The following DERL1 variants were observed in gnomAD, a reference collection of about 807,000 sequenced individuals.
DERL1 encodes the protein derlin-1.
A neutral mutation model predicts 41.6 loss-of-function variants in DERL1; 24 were observed. That is an observed-to-expected ratio of 0.58 (90% confidence interval 0.42 to 0.81). The LOEUF is 0.81. Ranked by LOEUF, DERL1 falls within the 30% of genes least tolerant of loss-of-function variation. The pLI, the probability that DERL1 is intolerant of heterozygous loss-of-function variation, is 0.00. For synonymous variants in DERL1, 124 were observed against 112.5 expected, an observed-to-expected ratio of 1.10 and a Z score of -0.65; for missense variants, 260 against 314.3, an observed-to-expected ratio of 0.83 and a Z score of 1.31.
intron 1 of DERL1, among the ~76,000 whole-genome samples, chr8:123,038,044 G>A (rs889734301): frequency 6.6e-6 from 1 of 152,176 alleles, no homozygotes; most frequent in African/African-American, 2.4e-5. Flanking sequence ...ACAGTATAAT[G>A]AGTCTTAACA....
intron 2 of DERL1, among the ~76,000 whole-genome samples, chr8:123,026,169 A>G (rs1330991347): frequency 6.6e-6 from 1 of 152,106 alleles, no homozygotes; most frequent in African/African-American, 2.4e-5. Flanking sequence ...AGTGTCTTCT[A>G]CTCTCCTTTA....
chr8:123,024,637 A>G (rs760103999), intron 3 of DERL1, among the ~76,000 whole-genome samples: 7 of 152,210 alleles, frequency 4.6e-5, no homozygotes, highest in Non-Finnish European at 8.8e-5. Context: ...ATTTTCTGAT[A>G]AGGACCACAG....
chr8:123,028,168 A>T (rs995470112), intron 2 of DERL1, among the ~76,000 whole-genome samples: 2 of 152,202 alleles, frequency 1.3e-5, no homozygotes, highest in Non-Finnish European at 2.9e-5. Context: ...TTAAATTCTG[A>T]AATATTTACA....
chr8:123,019,063 G>A (rs879836767), intron 7 of DERL1, 132 bp downstream of exon 7: 1 of 703,474 alleles, frequency 1.4e-6, no homozygotes, highest in Non-Finnish European at 2.6e-6. Context: ...ACTAGGGTAA[G>A]TCACTTGTTG....
chr8:123,033,754 A>C, intron 1 of DERL1, among the ~76,000 whole-genome samples: 1 of 152,206 alleles, frequency 6.6e-6, no homozygotes, highest in East Asian at 1.9e-4. Flanking sequence ...AACAAAAAAG[A>C]AAATTGAGCT....
chr8:123,036,112 T>C (rs1044964407), intron 1 of DERL1, among the ~76,000 whole-genome samples: 1 of 152,146 alleles, frequency 6.6e-6, no homozygotes, highest in African/African-American at 2.4e-5. Context: ...CCATCAAATC[T>C]ACTCCTAGAT....
At position 123,022,734 on chromosome 8, in the gene DERL1, G is replaced by C. The variant is rs1812593348; in HGVS notation, c.403C>G (p.Gln135Glu). 2 of 1,614,108 alleles carry C rather than the reference G, an allele frequency of 1.2e-6. No individual in the cohort carries two copies. Among genetic ancestry groups the C allele is most frequent in the Non-Finnish European group, 8.5e-7 (1 of 1,179,984 alleles). ...LIMSVLYVWAQLNRDMIVSFW... is the reference protein window; with the variant it reads ...LIMSVLYVWAELNRDMIVSFW... ...GATACAATCATGTCTCTGTTCAGCT[G>C]GGCCCAGACATAAAGTACTGACATG... Residue 135 changes from glutamine to glutamate, a missense_variant, in exon 5 of 8, where the codon CAG (glutamine) becomes GAG (glutamate). By Grantham distance (29) the Gln-to-Glu change is conservative. Transcript: ENST00000259512.
chr8:123,020,637 G>A (rs991608335), intron 6 of DERL1, among the ~76,000 whole-genome samples: 19 of 151,036 alleles, frequency 1.3e-4, no homozygotes, highest in African/African-American at 4.6e-4. Context: ...CTAGATATTT[G>A]ACCCTGGTTG....
intron 3 of DERL1, 75 bp from the exon 4 acceptor site, chr8:123,023,814 T>A (rs192201051): frequency 5.9e-6 from 9 of 1,534,632 alleles, no homozygotes. Context: ...GTTATTTTCC[T>A]CCCATTTAAA....
At chr8:123,023,649 A>G (rs2130468160) in intron 4 of DERL1, 64 bp downstream of exon 4, 2 of 1,523,550 alleles carry the variant, frequency 1.3e-6, no homozygotes, top group East Asian at 4.7e-5. Flanking sequence ...CTTCTGACAA[A>G]GGCCACTAAT....
intron 2 of DERL1, 66 bp from the exon 3 acceptor site, chr8:123,025,116 G>T: frequency 6.6e-7 from 1 of 1,509,208 alleles, no homozygotes; most frequent in Non-Finnish European, 9.0e-7. Flanking sequence ...TCTACATAGA[G>T]AAACACTTCA....
chr8:123,041,313 A>T (rs1343093821), intron 1 of DERL1, among the ~76,000 whole-genome samples: 1 of 152,188 alleles, frequency 6.6e-6, no homozygotes, highest in East Asian at 1.9e-4. Context: ...GAAAACTGGC[A>T]CTCTCTTGAC....
At chr8:123,016,299 T>C (rs1198026173) in intron 7 of DERL1, 3 of 152,256 alleles carry the variant, frequency 2.0e-5, no homozygotes, top group African/African-American at 7.2e-5. Context: ...ATTTCCCATC[T>C]TTGACTCTTT....
chr8:123,019,317 G>T lies in DERL1; in HGVS notation c.507-12C>A. ...GCTCATTGATTACCCTGCAAAGAGA[G>T]CCAAATGAGTTTAAAGACATTCAAG... On this transcript the variant is annotated splice_polypyrimidine_tract_variant and intron_variant, in intron 6 of 7. Coordinates refer to ENST00000259512, the MANE Select transcript of DERL1 (RefSeq NM_024295.6). 6.3e-7 allele frequency: 1 copy of T among 1,575,214 alleles called. No individual in the cohort carries two copies. Among genetic ancestry groups the T allele is most frequent in the Non-Finnish European group, 8.7e-7 (1 of 1,145,390 alleles).
chr8:123,030,769 C>A (rs895539038), intron 1 of DERL1, 53 bp from the exon 2 acceptor site: 8 of 1,282,328 alleles, frequency 6.2e-6, no homozygotes, highest in Non-Finnish European at 9.0e-6. Context: ...CTGGTTATTT[C>A]TTTCCCTTCT....
intron 1 of DERL1, among the ~76,000 whole-genome samples, chr8:123,031,240 A>T (rs936659121): frequency 9.2e-5 from 14 of 152,160 alleles, no homozygotes; most frequent in African/African-American, 2.9e-4. Flanking sequence ...ACAAAACATA[A>T]GAAGGGTCTA....
At chr8:123,022,813 C>G (rs1812596059) in intron 4 of DERL1, 34 bp from the exon 5 acceptor site, 2 of 1,587,952 alleles carry the variant, frequency 1.3e-6, no homozygotes, top group Non-Finnish European at 8.6e-7. Flanking sequence ...AAACCAGGCT[C>G]CAGAGGCACT....
At position 123,013,980 on chromosome 8, in the gene DERL1, G is replaced by C. The variant is rs1284579400; in HGVS notation, c.*1467C>G. ...AACACACATCACACTGTTTAAGAGT[G>C]GGGGAAAGAATAGTCATACTGTTAG... On this transcript the variant is annotated 3_prime_UTR_variant, in exon 8 of 8. Coordinates refer to ENST00000259512, the MANE Select transcript of DERL1 (RefSeq NM_024295.6). 6.6e-6 allele frequency: 1 copy of C among 152,176 alleles called. No individual in the cohort carries two copies. The highest frequency in any genetic ancestry group is 1.5e-5 in the Non-Finnish European group (1 of 68,036). The allele number at this position is 152,176 out of a possible 1,614,324, so 9.4% of individuals were successfully genotyped here.
chr8:123,020,920 C>T (rs952231776), intron 6 of DERL1, among the ~76,000 whole-genome samples: 1 of 149,646 alleles, frequency 6.7e-6, no homozygotes, highest in South Asian at 2.1e-4. Flanking sequence ...GAGCCAAGAT[C>T]GCACCATTGC....
Sources: gnomAD v4.1 joint callset for allele counts (sites outside exome capture counted in the v4.1 genomes callset) on GRCh38, gnomAD v4.1.1 for gene constraint, MANE v1.5 for transcripts, NCBI Gene and HGNC (gene_info 2026-07-23, HGNC 2026-07-21) for gene names.